The following PAXIP1 variants were observed in gnomAD, a reference collection of about 807,000 sequenced individuals.
PAXIP1 encodes the protein PAX-interacting protein 1.
PAXIP1 carries 19 observed loss-of-function variants against 140.6 expected under a neutral mutation model. The ratio of observed to expected loss-of-function variants is 0.14; its 90% CI spans 0.09 to 0.20. The LOEUF (loss-of-function observed/expected upper bound fraction) is 0.20, where lower values mean the gene tolerates loss of function less well. Ranked by LOEUF, PAXIP1 falls within the 10% of genes least tolerant of loss-of-function variation. The pLI is 1.00. For missense variants in PAXIP1, 920 were observed against 1,208.6 expected (o/e 0.76, Z 3.54); for synonymous variants, 442 against 444.6 (o/e 0.99, Z 0.07).
rs1334463898 is a variant in PAXIP1 at position 154,968,917 on chromosome 7, C to T, written c.1284G>A (p.Gln428=). Residue 428 remains glutamine (Q), a synonymous_variant, in exon 7 of 21, where the codon CAG becomes CAA. Transcript: ENST00000404141. ...HLQPQQIMQL[Q]QQQQQQISQQ... Reference sequence around the variant, plus strand: ...GAGAGATCTGCTGCTGCTGCTGCTGCTGGAGCTGCATTATCTGCTGGGGCT... The same window carrying T: ...GAGAGATCTGCTGCTGCTGCTGCTGTTGGAGCTGCATTATCTGCTGGGGCT... 1 of 1,326,458 alleles carries T rather than the reference C, an allele frequency of 7.5e-7. No individual in the cohort carries two copies. Among genetic ancestry groups the T allele is most frequent in the Non-Finnish European group, 1.1e-6 (1 of 943,200 alleles). 82.2% of individuals were successfully genotyped at this position (1,326,458 alleles called of 1,614,324 possible). A position where few individuals can be genotyped will look rare whatever the true frequency, so the allele number is the denominator to read the frequency against.
At chr7:154,976,596 T>A (rs986133336) in intron 5 of PAXIP1, among the ~76,000 whole-genome samples, 11 of 152,242 alleles carry the variant, frequency 7.2e-5, no homozygotes, top group African/African-American at 2.4e-4. Flanking sequence ...ATTAACTTTT[T>A]AAAATGATAT....
Position 154,962,453 on chromosome 7 carries a change from T to C in PAXIP1, c.1995A>G (p.Ile665Met), listed in dbSNP as rs1209686425. ...SQVSSAYAQA[I>M]RERKRCVTAH... ...CAGTAACACATCTCTTTCTTTCTCT[T>C]ATTGCCTGTCAAACATAAAATTATA... The change falls in exon 10 of 21, where the codon ATA (isoleucine) becomes ATG (methionine). Residue 665 changes from isoleucine (I) to methionine (M), a missense_variant. Physicochemically the swap from Ile to Met is conservative, Grantham distance 10. Coordinates refer to ENST00000404141, the MANE Select transcript of PAXIP1 (RefSeq NM_007349.4). 1.9e-6 allele frequency: 3 copies of C among 1,612,430 alleles called. No individual in the cohort carries two copies. The highest frequency in any genetic ancestry group is 2.2e-5 in the South Asian group (2 of 90,792).
intron 4 of PAXIP1, among the ~76,000 whole-genome samples, chr7:154,990,516 G>A (rs193081171): frequency 3.9e-4 from 60 of 152,262 alleles, no homozygotes; most frequent in African/African-American, 1.4e-3. Flanking sequence ...TTACAAATTC[G>A]ATGAGCAAAA....
chr7:154,957,021 G>T (rs540013493), intron 14 of PAXIP1: 14 of 409,238 alleles, frequency 3.4e-5, no homozygotes, highest in Non-Finnish European at 5.6e-5. Flanking sequence ...TAAAGAAAAA[G>T]ACTGAATTTT....
rs1035211051 is a variant in PAXIP1 at position 154,973,832 on chromosome 7, G to A, written c.1074+1864C>T. 1.3e-5 allele frequency among the ~76,000 whole-genome samples: 2 copies of A among 152,212 alleles called. No individual in the cohort carries two copies. The highest frequency in any genetic ancestry group is 2.4e-5 in the African/African-American group (1 of 41,452). On this transcript the variant is annotated intron_variant, in intron 6 of 20. Coordinates refer to ENST00000404141, the MANE Select transcript of PAXIP1 (RefSeq NM_007349.4). This position sits in a 1 kb window ranked among gnomAD's most constrained non-coding sequence, Gnocchi z 4.0. ...TGGAGAATACTGGATCCGGCTTCAG[G>A]TTGTTCCTATATGCTACAGAGCCAT...
chr7:154,986,278 G>T lies in PAXIP1; in HGVS notation c.325-2946C>A. On this transcript the variant is annotated intron_variant, in intron 4 of 20. Transcript: ENST00000404141. This position sits in a 1 kb window ranked among gnomAD's most constrained non-coding sequence, Gnocchi z 4.8. ...GGCGTGTGCATGTGAGTGTGTGTGC[G>T]CATGGGTGCTCCAGTGTGCAGAAAA... is the stretch of plus-strand genomic sequence containing the variant. The T allele has an allele frequency of 9.2e-6, 7 of 758,132 alleles. No homozygotes were observed. The highest frequency in any genetic ancestry group is 1.3e-5 in the Non-Finnish European group (7 of 534,446). The allele number at this position is 758,132 out of a possible 1,614,324, so 47.0% of individuals were successfully genotyped here. A position where few individuals can be genotyped will look rare whatever the true frequency, so the allele number is the denominator to read the frequency against.
At chr7:154,964,140 G>T (rs535803785) in intron 8 of PAXIP1, 1 of 172,816 alleles carries the variant, frequency 5.8e-6, no homozygotes, top group South Asian at 1.4e-4. Context: ...TATGCCAGCA[G>T]CAGCCCCCTA....
rs2150778940 is a variant in PAXIP1 at position 154,988,332 on chromosome 7, A to G, written c.324+2674T>C. Among the ~76,000 whole-genome samples the G allele has an allele frequency of 2.0e-5, 3 of 152,300 alleles. No homozygotes were observed. The South Asian group carries it at 6.2e-4, about 32-fold the overall frequency. Reference sequence around the variant, plus strand: ...CTGTCAAGGCTTCCCTCGCCTCGCAATCCAGACCAATGCCATCCTTCCTAA... The same window carrying G: ...CTGTCAAGGCTTCCCTCGCCTCGCAGTCCAGACCAATGCCATCCTTCCTAA... On this transcript the variant is annotated intron_variant, in intron 4 of 20. Transcript: ENST00000404141.
intron 16 of PAXIP1, chr7:154,948,854 C>G (rs1398546625): frequency 1.3e-5 from 2 of 151,800 alleles, no homozygotes; most frequent in Non-Finnish European, 2.9e-5. Context: ...ATGTGAATTA[C>G]CAAACTTTAA....
rs569247119 is a variant in PAXIP1, at chr7:154,978,894, TAGGCTCTTG to T, written c.439-2572_439-2564del. Reference sequence around the variant, plus strand: ...TCACACTTAAAAGGCTGGGATCCAGTAGGCTCTTGAGTTCCTAGTTTGTATAGAATGCTG... The same window carrying T: ...TCACACTTAAAAGGCTGGGATCCAGTAGTTCCTAGTTTGTATAGAATGCTG... On this transcript the variant is annotated intron_variant, in intron 5 of 20. Coordinates refer to ENST00000404141, the MANE Select transcript of PAXIP1 (RefSeq NM_007349.4). 8.3e-4 allele frequency among the ~76,000 whole-genome samples: 127 copies of T among 152,346 alleles called. No homozygotes were observed. In the East Asian group the frequency reaches 0.013, roughly 15 times the overall value.
intron 4 of PAXIP1, 102 bp downstream of exon 4, chr7:154,990,904 A>C (rs1403393393): frequency 3.1e-6 from 2 of 639,880 alleles, no homozygotes; most frequent in Non-Finnish European, 5.4e-6. Flanking sequence ...CAGTTTAGAA[A>C]ATAGCTTCTC....
Position 154,953,574 on chromosome 7 carries a change from T to C in PAXIP1, c.2821+681A>G, listed in dbSNP as rs543041131. The stretch of plus-strand genomic sequence containing the variant: ...GAGGTGCCTGACCTAGATGACGCAC[T>C]GGGGACACCAACCCTGCAGACACAG... On this transcript the variant is annotated intron_variant, in intron 16 of 20. Transcript: ENST00000404141. Among the ~76,000 whole-genome samples, 4 of 152,222 alleles carry C rather than the reference T, an allele frequency of 2.6e-5. No individual in the cohort carries two copies. In the East Asian group the frequency reaches 7.7e-4, roughly 29 times the overall value.
At chr7:154,971,943 G>GC (rs1809350625) in intron 6 of PAXIP1, among the ~76,000 whole-genome samples, 1 of 152,050 alleles carries the variant, frequency 6.6e-6, no homozygotes, top group Non-Finnish European at 1.5e-5. Context: ...GAAAATCTCC[G>GC]CAATTCTTCT....
chr7:154,946,336 A>G lies in PAXIP1; in HGVS notation c.3194+29T>C. On this transcript the variant is annotated intron_variant, in intron 20 of 20. Transcript: ENST00000404141. The surrounding 1 kb of genome is among the most constrained non-coding windows in gnomAD (Gnocchi z 4.9). Reference sequence around the variant, plus strand: ...AATCCATTTCATATCTAACCCGTCTACTTTTTAATTCTCTTTTGGAAAGGA... The same window carrying G: ...AATCCATTTCATATCTAACCCGTCTGCTTTTTAATTCTCTTTTGGAAAGGA... The G allele has an allele frequency of 6.2e-7, 1 of 1,613,734 alleles. No individual in the cohort carries two copies. Among genetic ancestry groups the G allele is most frequent in the Non-Finnish European group, 8.5e-7 (1 of 1,179,682 alleles).
intron 3 of PAXIP1, among the ~76,000 whole-genome samples, chr7:154,992,901 T>C (rs942858764): frequency 1.2e-4 from 18 of 152,216 alleles, no homozygotes; most frequent in Admixed American, 1.0e-3. Flanking sequence ...TCCATCTGCA[T>C]TGATTCAATG....
At chr7:154,976,603 A>G (rs1809594059) in intron 5 of PAXIP1, among the ~76,000 whole-genome samples, 1 of 152,266 alleles carries the variant, frequency 6.6e-6, no homozygotes, top group African/African-American at 2.4e-5. Flanking sequence ...TTTTAAAATG[A>G]TATTTTAAGT....
In PAXIP1 at chr7:154,993,624, C is replaced by T. The variant is rs1810446995; in HGVS notation, c.260+102G>A. ...ATAAGATGTAGACAAAACAATCTGT[C>T]CTAACGAATGAATCCACTTTTCACT... On this transcript the variant is annotated intron_variant, in intron 3 of 20. Transcript: ENST00000404141. 11 of 866,806 alleles carry T rather than the reference C, an allele frequency of 1.3e-5. No homozygotes were observed. The South Asian group carries it at 1.7e-4, about 13-fold the overall frequency. 53.7% of individuals were successfully genotyped at this position (866,806 alleles called of 1,614,324 possible).
chr7:154,990,865 G>C, intron 4 of PAXIP1, 141 bp downstream of exon 4: 1 of 476,728 alleles, frequency 2.1e-6, no homozygotes, highest in Non-Finnish European at 3.8e-6. Context: ...ATAATTTTAA[G>C]TGTCATGAGT....
rs560932869 is a variant in PAXIP1 at position 154,997,547 on chromosome 7, A to G, written c.216+1103T>C. Among the ~76,000 whole-genome samples the G allele has an allele frequency of 3.3e-5, 5 of 152,384 alleles. 1 individual carries two copies. The South Asian group carries it at 1.0e-3, about 32-fold the overall frequency. On this transcript the variant is annotated intron_variant, in intron 2 of 20. Coordinates refer to ENST00000404141, the MANE Select transcript of PAXIP1 (RefSeq NM_007349.4). ...TGGTAGTGGTATAGAACTATTTTAA[A>G]ACAAATACTTCATAGGGAAGATCTG...
Sources: allele counts gnomAD v4.1 joint callset (sites outside exome capture counted in the v4.1 genomes callset), GRCh38; gene constraint gnomAD v4.1.1; non-coding constraint Gnocchi (gnomAD v3.1); transcripts MANE v1.5; gene names NCBI Gene and HGNC (gene_info 2026-07-23, HGNC 2026-07-21).